DIAPH3: variants seen among roughly 807,000 people sequenced by gnomAD.
The protein encoded by DIAPH3 is protein diaphanous homolog 3.
In DIAPH3, 117 loss-of-function variants were observed where a neutral mutation model predicts 144.3. That is an observed-to-expected ratio of 0.81 (90% CI 0.70 to 0.95). The LOEUF (loss-of-function observed/expected upper bound fraction) is 0.95, where lower values mean the gene tolerates loss of function less well. Among genes scored for constraint, DIAPH3 ranks in the 40% least tolerant of loss-of-function variants. The pLI is 0.00. For synonymous variants in DIAPH3, 519 were observed against 488.9 expected (o/e 1.06, Z -0.81); for missense variants, 1,421 against 1,412.7 (o/e 1.01, Z -0.09).
In DIAPH3 at chr13:59,766,132, A is replaced by T. The variant is rs1593793638; in HGVS notation, c.3319+8057T>A. Among the ~76,000 whole-genome samples, 5 of 152,194 alleles carry T rather than the reference A, an allele frequency of 3.3e-5. No individual in the cohort carries two copies. In the South Asian group the frequency reaches 1.0e-3, roughly 32 times the overall value. ...CTGCTTGGCTGGTGCTCTATAGCAC[A>T]CCCAGTCTGCCTACTGCCTGAGCAT... On this transcript the variant is annotated intron_variant, in intron 27 of 27. Coordinates refer to ENST00000400324, the MANE Select transcript of DIAPH3 (RefSeq NM_001042517.2).
intron 17 of DIAPH3, among the ~76,000 whole-genome samples, chr13:59,953,490 T>C (rs1430313293): frequency 1.3e-5 from 2 of 152,146 alleles, no homozygotes; most frequent in Non-Finnish European, 1.5e-5. Context: ...AGACGTACTC[T>C]AAGTCAGTCA....
intron 2 of DIAPH3, among the ~76,000 whole-genome samples, chr13:60,124,845 A>T (rs569112756): frequency 6.6e-6 from 1 of 151,812 alleles, no homozygotes; most frequent in Admixed American, 6.6e-5. Flanking sequence ...AAAAAAAAAA[A>T]GGGGAAAGAA....
chr13:59,774,423 ATGC>A (rs2038286708), intron 26 of DIAPH3, among the ~76,000 whole-genome samples, 175 bp from the exon 27 acceptor site: 1 of 152,136 alleles, frequency 6.6e-6, no homozygotes, highest in South Asian at 2.1e-4. Context: ...CCATTTAATT[ATGC>A]TACTGTAAAC....
chr13:59,887,234 C>T (rs2045513662), intron 20 of DIAPH3, among the ~76,000 whole-genome samples: 1 of 151,956 alleles, frequency 6.6e-6, no homozygotes, highest in African/African-American at 2.4e-5. Flanking sequence ...AAAACCAACC[C>T]TGCATTCCTG....
chr13:59,906,591 G>A (rs1209640454), intron 20 of DIAPH3, among the ~76,000 whole-genome samples: 1 of 152,186 alleles, frequency 6.6e-6, no homozygotes, highest in East Asian at 1.9e-4. Flanking sequence ...GGCCTCAGCT[G>A]CACAAAGTTT....
intron 20 of DIAPH3, among the ~76,000 whole-genome samples, chr13:59,893,380 A>G (rs1028308096): frequency 2.0e-5 from 3 of 152,200 alleles, no homozygotes; most frequent in Non-Finnish European, 4.4e-5. Flanking sequence ...TGATACTTAC[A>G]TTCTAGAGTC....
chr13:60,024,273 T>A (rs2054233044), intron 5 of DIAPH3, among the ~76,000 whole-genome samples: 1 of 152,174 alleles, frequency 6.6e-6, no homozygotes. Flanking sequence ...AGACTCTGTA[T>A]GTATTTTTTC....
chr13:60,109,662 G>C (rs2058513732), intron 3 of DIAPH3, among the ~76,000 whole-genome samples: 1 of 152,138 alleles, frequency 6.6e-6, no homozygotes, highest in Non-Finnish European at 1.5e-5. Context: ...ACCTACCTGG[G>C]ACTTTTAACC....
intron 21 of DIAPH3, among the ~76,000 whole-genome samples, chr13:59,862,236 G>C (rs545299163): frequency 6.6e-6 from 1 of 152,196 alleles, no homozygotes; most frequent in African/African-American, 2.4e-5. Context: ...AGGCATGTAG[G>C]GACATGGCAA....
chr13:60,146,860 G>A (rs1280091908), intron 1 of DIAPH3, among the ~76,000 whole-genome samples: 1 of 152,156 alleles, frequency 6.6e-6, no homozygotes, highest in Non-Finnish European at 1.5e-5. Flanking sequence ...GTAAGGGAAG[G>A]CACCCATTGA....
chr13:60,035,177 C>T (rs768027838), intron 5 of DIAPH3, among the ~76,000 whole-genome samples: 1 of 152,084 alleles, frequency 6.6e-6, no homozygotes, highest in Non-Finnish European at 1.5e-5. Context: ...AGCTGAGTAG[C>T]TCTTATTTAC....
chr13:59,741,241 A>T (rs1161242656), intron 27 of DIAPH3, among the ~76,000 whole-genome samples: 1 of 152,214 alleles, frequency 6.6e-6, no homozygotes, highest in Non-Finnish European at 1.5e-5. Context: ...CTTTCTTTAT[A>T]GGCATACTTT....
At chr13:59,780,939 T>C (rs2038703674) in intron 25 of DIAPH3, among the ~76,000 whole-genome samples, 1 of 152,140 alleles carries the variant, frequency 6.6e-6, no homozygotes, top group Admixed American at 6.5e-5. Context: ...GTCATTTCCA[T>C]ATTGTAAAAA....
chr13:59,950,841 T>C (rs2049056437), intron 17 of DIAPH3, among the ~76,000 whole-genome samples: 1 of 152,080 alleles, frequency 6.6e-6, no homozygotes, highest in African/African-American at 2.4e-5. Flanking sequence ...TATATATATA[T>C]TGTTATTTAC....
intron 3 of DIAPH3, among the ~76,000 whole-genome samples, chr13:60,108,682 A>C (rs2058486740): frequency 1.3e-5 from 2 of 152,150 alleles, no homozygotes; most frequent in African/African-American, 4.8e-5. Context: ...ATGGCAGAGA[A>C]CACTGCAGTA....
At chr13:59,774,995 A>G (rs1241130823) in intron 25 of DIAPH3, among the ~76,000 whole-genome samples, 172 bp from the exon 26 acceptor site, 1 of 152,200 alleles carries the variant, frequency 6.6e-6, no homozygotes, top group Non-Finnish European at 1.5e-5. Context: ...TAAATCAACT[A>G]TCTTTTAATG....
In DIAPH3 at chr13:60,093,613, G is replaced by A; in HGVS notation, c.495+15C>T. ...CATGTTCGGCAGTATTTTTCAACTT[G>A]ACAGTTTTACTTACTGTCTTAGAAG... On this transcript the variant is annotated intron_variant, in intron 4 of 27. Transcript: ENST00000400324. 1 of 1,524,264 alleles carries A rather than the reference G, an allele frequency of 6.6e-7. No homozygotes were observed. The highest frequency in any genetic ancestry group is 1.4e-5 in the African/African-American group (1 of 73,194). The allele number at this position is 1,524,264 out of a possible 1,614,324, so 94.4% of individuals were successfully genotyped here.
At chr13:59,868,939 T>C (rs777469288) in intron 21 of DIAPH3, among the ~76,000 whole-genome samples, 1 of 152,232 alleles carries the variant, frequency 6.6e-6, no homozygotes, top group Non-Finnish European at 1.5e-5. Flanking sequence ...TCCAAATGAA[T>C]ATACCACAGT....
At chr13:59,946,890 G>C (rs895110816) in intron 17 of DIAPH3, among the ~76,000 whole-genome samples, 1 of 152,164 alleles carries the variant, frequency 6.6e-6, no homozygotes, top group Non-Finnish European at 1.5e-5. Flanking sequence ...GGATGCTGAA[G>C]TGTTGAGTTG....
Sources: allele counts gnomAD v4.1 joint callset (sites outside exome capture counted in the v4.1 genomes callset), GRCh38; gene constraint gnomAD v4.1.1; transcripts MANE v1.5; gene names NCBI Gene and HGNC (gene_info 2026-07-23, HGNC 2026-07-21).